The following SCOC variants were observed in gnomAD, a reference collection of about 807,000 sequenced individuals.
SCOC encodes the protein short coiled-coil protein.
Under a neutral mutation model 9.9 loss-of-function variants are expected in SCOC, and 7 were observed. The observed-to-expected ratio is 0.71, with a 90% confidence interval of 0.40 to 1.33. The LOEUF (loss-of-function observed/expected upper bound fraction) is 1.33. Ranked by LOEUF, SCOC falls within the 40% of genes most tolerant of loss-of-function variation. SCOC has a pLI of 0.01. For missense variants in SCOC, 66 were observed against 89.7 expected (o/e 0.74, Z 1.07); for synonymous variants, 19 against 28.2 (o/e 0.67, Z 1.03).
intron 1 of SCOC, among the ~76,000 whole-genome samples, chr4:140,302,601 T>G (rs1358034642): frequency 6.6e-6 from 1 of 152,234 alleles, no homozygotes; most frequent in Non-Finnish European, 1.5e-5. Context: ...CCAGATACTA[T>G]TTCTAGTCCT....
intron 1 of SCOC, among the ~76,000 whole-genome samples, chr4:140,301,048 A>C (rs916855476): frequency 4.7e-4 from 71 of 152,302 alleles, no homozygotes; most frequent in African/African-American, 1.7e-3. Flanking sequence ...CTTATAACAA[A>C]GGAGCGAAGG....
chr4:140,340,193 C>T (rs576145807), upstream of SCOC, among the ~76,000 whole-genome samples: 4 of 152,056 alleles, frequency 2.6e-5, no homozygotes, highest in East Asian at 3.9e-4. Flanking sequence ...AGCAAACTAT[C>T]GCAAGGACAA....
At chr4:140,271,065 A>G (rs909533821) in intron 1 of SCOC, among the ~76,000 whole-genome samples, 45 of 152,172 alleles carry the variant, frequency 3.0e-4, no homozygotes, top group African/African-American at 9.9e-4. Context: ...TAATTTACAG[A>G]GCAAATGAGG....
At chr4:140,310,287 T>C (rs1167374851) in intron 1 of SCOC, among the ~76,000 whole-genome samples, 1 of 152,212 alleles carries the variant, frequency 6.6e-6, no homozygotes, top group Non-Finnish European at 1.5e-5. Flanking sequence ...TTAAAGATGA[T>C]GCTTCCTTAT....
intron 1 of SCOC, among the ~76,000 whole-genome samples, chr4:140,336,732 G>A (rs1732968562): frequency 6.6e-6 from 1 of 151,986 alleles, no homozygotes; most frequent in Non-Finnish European, 1.5e-5. Flanking sequence ...CATTTCTCTT[G>A]GGCATATATG....
intron 3 of SCOC, 48 bp downstream of exon 3, chr4:140,379,700 ACTTGT>A: frequency 1.4e-6 from 2 of 1,389,682 alleles, no homozygotes; most frequent in South Asian, 2.4e-5. Context: ...AATTAATTGA[ACTTGT>A]AAAAATTTAT....
Position 140,381,163 on chromosome 4 carries a change from GGATA to G in SCOC, c.*63_*66del. The G allele has an allele frequency of 6.6e-7, 1 of 1,507,392 alleles. No homozygotes were observed. Among genetic ancestry groups the G allele is most frequent in the East Asian group, 2.4e-5 (1 of 41,906 alleles). The allele number at this position is 1,507,392 out of a possible 1,614,324, so 93.4% of individuals were successfully genotyped here. On this transcript the variant is annotated 3_prime_UTR_variant, in exon 4 of 4. Transcript: ENST00000608372. The stretch of plus-strand genomic sequence containing the variant: ...GCTGATCATTTTTTCTTTAAAACTT[GGATA>G]GATTCCAAAAGTTACAGTACCTTTG...
At chr4:140,376,729 T>C (rs1401147396) in intron 1 of SCOC, 2 of 152,256 alleles carry the variant, frequency 1.3e-5, no homozygotes, top group Non-Finnish European at 2.9e-5. Flanking sequence ...TTGAATTATA[T>C]GTGGTCAGAA....
chr4:140,374,635 G>A (rs765913620), intron 1 of SCOC, among the ~76,000 whole-genome samples: 4 of 152,208 alleles, frequency 2.6e-5, no homozygotes, highest in Non-Finnish European at 4.4e-5. Context: ...AGCTTGAAGG[G>A]AATGGAGTTT....
At chr4:140,351,652 C>T (rs1726983479) in intron 2 of SCOC, among the ~76,000 whole-genome samples, 1 of 151,798 alleles carries the variant, frequency 6.6e-6, no homozygotes, top group Non-Finnish European at 1.5e-5. Context: ...TGTAACAATA[C>T]CCCCTCACGC....
chr4:140,318,882 G>A lies in SCOC; in HGVS notation c.-18-24739G>A, dbSNP rs574688082. ...GTCTGAGGGGTTTTGTCTGTGGCTC[G>A]TCCTGCTACACTTGCAGCATCTTTT... On this transcript the variant is annotated intron_variant, in intron 1 of 4. Coordinates refer to the SCOC transcript ENST00000394205. 8.4e-4 allele frequency among the ~76,000 whole-genome samples: 128 copies of A among 152,212 alleles called. 1 individual carries two copies. The highest frequency in any genetic ancestry group is 2.9e-3 in the African/African-American group (121 of 41,548).
chr4:140,355,483 T>A (rs969400205), intron 2 of SCOC, among the ~76,000 whole-genome samples: 8 of 152,066 alleles, frequency 5.3e-5, no homozygotes, highest in African/African-American at 1.9e-4. Flanking sequence ...AGAGCTGGGA[T>A]TCAAGCCCAG....
chr4:140,288,853 C>T (rs1731381946), intron 1 of SCOC, among the ~76,000 whole-genome samples: 1 of 151,882 alleles, frequency 6.6e-6, no homozygotes, highest in African/African-American at 2.4e-5. Context: ...TGTCTATATA[C>T]CCCTCATACA....
At chr4:140,373,296 C>A, upstream of SCOC, 1 of 1,374,860 alleles carries the variant, frequency 7.3e-7, no homozygotes. Flanking sequence ...TCGCTCATAC[C>A]AGCCTCTTTC....
intron 2 of SCOC, chr4:140,366,256 G>T: frequency 1.5e-6 from 2 of 1,306,948 alleles, no homozygotes; most frequent in South Asian, 2.2e-5. Flanking sequence ...AACGCTTTTG[G>T]AGCAGGTGCT....
upstream of SCOC, among the ~76,000 whole-genome samples, chr4:140,341,177 C>CAAGT (rs1305655035): frequency 1.3e-5 from 2 of 152,086 alleles, no homozygotes; most frequent in African/African-American, 4.8e-5. Flanking sequence ...GGCAAAGAAT[C>CAAGT]AAGTGCTTAG....
chr4:140,384,382 C>T lies in SCOC; in HGVS notation c.*3278C>T, dbSNP rs1728647282. The T allele has an allele frequency of 6.6e-6, 1 of 152,196 alleles. No individual in the cohort carries two copies. Among genetic ancestry groups the T allele is most frequent in the Admixed American group, 6.5e-5 (1 of 15,276 alleles). The allele number at this position is 152,196 out of a possible 1,614,324, so 9.4% of individuals were successfully genotyped here. A position where few individuals can be genotyped will look rare whatever the true frequency, so the allele number is the denominator to read the frequency against. ...GTCCAGCTTCTGGAAAAGACTCGAC[C>T]AAATTTTAGACAGGCACCTCTGAGC... On this transcript the variant is annotated 3_prime_UTR_variant, in exon 4 of 4. Coordinates refer to ENST00000608372, the MANE Select transcript of SCOC (RefSeq NM_001153484.2).
intron 2 of SCOC, among the ~76,000 whole-genome samples, chr4:140,356,781 T>C (rs1403726113): frequency 6.6e-6 from 1 of 152,154 alleles, no homozygotes; most frequent in Non-Finnish European, 1.5e-5. Flanking sequence ...CTTCAGTAAT[T>C]AGCACGTATT....
At chr4:140,260,737 G>T (rs1360753863) in intron 1 of SCOC, among the ~76,000 whole-genome samples, 2 of 152,142 alleles carry the variant, frequency 1.3e-5, no homozygotes, top group African/African-American at 4.8e-5. Context: ...GGGGACACAT[G>T]AATCTGAAAC....
Sources: gnomAD v4.1 joint callset for allele counts (sites outside exome capture counted in the v4.1 genomes callset) on GRCh38, gnomAD v4.1.1 for gene constraint, MANE v1.5 for transcripts, NCBI Gene and HGNC (gene_info 2026-07-23, HGNC 2026-07-21) for gene names.